PARP16: variants seen among roughly 807,000 people sequenced by gnomAD.
PARP16 encodes the protein poly(ADP-ribose) polymerase family member 16.
PARP16 carries 31 observed loss-of-function variants against 35.0 expected under a neutral mutation model. The ratio of observed to expected loss-of-function variants is 0.88; its 90% CI spans 0.66 to 1.19. The LOEUF (loss-of-function observed/expected upper bound fraction) is 1.19. PARP16 is among the 50% of genes most tolerant of loss of function. The probability of loss-of-function intolerance (pLI) is 0.00; values close to 1 mark genes in which losing one functional copy is unlikely to be tolerated. For missense variants in PARP16, 424 were observed against 411.2 expected (o/e 1.03, Z -0.27); for synonymous variants, 162 against 169.5 (o/e 0.96, Z 0.34).
intron 2 of PARP16, among the ~76,000 whole-genome samples, chr15:65,249,913 C>T (rs2089308583): frequency 6.6e-6 from 1 of 152,112 alleles, no homozygotes; most frequent in Admixed American, 6.6e-5. Flanking sequence ...TGGGGGACTT[C>T]CCATGGTTTC....
chr15:65,239,974 T>TTTTTTTTTTTTTTTTTTA (rs71136329), intron 3 of PARP16, among the ~76,000 whole-genome samples: 1 of 142,348 alleles, frequency 7.0e-6, no homozygotes, highest in Non-Finnish European at 1.5e-5. Flanking sequence ...TTTTTTTTTT[T>TTTTTTTTTTTTTTTTTTA]AAATACAGGG....
At chr15:65,285,426 A>C (rs986740673) in intron 1 of PARP16, 1 of 257,652 alleles carries the variant, frequency 3.9e-6, no homozygotes, top group African/African-American at 2.3e-5. Flanking sequence ...AGCATGAGCC[A>C]CCGAGCCTGG....
intron 5 of PARP16, 78 bp downstream of exon 5, chr15:65,260,807 G>T: frequency 7.5e-7 from 1 of 1,331,106 alleles, no homozygotes; most frequent in Admixed American, 1.7e-5. Flanking sequence ...AAGGCTGGGG[G>T]AGGGGAGGCT....
chr15:65,241,217 T>A (rs748176892), intron 3 of PARP16, among the ~76,000 whole-genome samples: 1 of 151,726 alleles, frequency 6.6e-6, no homozygotes, highest in Admixed American at 6.6e-5. Context: ...CTCAGCTCAC[T>A]GCAACCTCTG....
intron 2 of PARP16, among the ~76,000 whole-genome samples, chr15:65,267,779 C>A (rs2089954928): frequency 7.2e-6 from 1 of 139,298 alleles, no homozygotes; most frequent in East Asian, 2.3e-4. Flanking sequence ...CTCTGCCCCT[C>A]CAGGTTTTTT....
chr15:65,261,363 G>A (rs929938890), intron 4 of PARP16, among the ~76,000 whole-genome samples: 8 of 149,278 alleles, frequency 5.4e-5, no homozygotes, highest in African/African-American at 2.0e-4. Context: ...ATCTGAAAAC[G>A]CCTCTTAACA....
At chr15:65,235,671 T>A (rs558961434) in intron 3 of PARP16, among the ~76,000 whole-genome samples, 1 of 147,886 alleles carries the variant, frequency 6.8e-6, no homozygotes, top group Non-Finnish European at 1.5e-5. Context: ...TAGCCGGGCA[T>A]GGTGGTACAT....
downstream of PARP16, among the ~76,000 whole-genome samples, chr15:65,254,238 A>C (rs2089441940): frequency 6.6e-6 from 1 of 152,194 alleles, no homozygotes; most frequent in African/African-American, 2.4e-5. Context: ...GAACGCTGGA[A>C]ATTTTTGAAA....
intron 2 of PARP16, among the ~76,000 whole-genome samples, chr15:65,270,129 T>C (rs932080477): frequency 1.3e-5 from 2 of 152,214 alleles, no homozygotes; most frequent in African/African-American, 2.4e-5. Context: ...AATTGATTAC[T>C]CTTAAATTGA....
At chr15:65,256,818 CT>C (rs2089526768), downstream of PARP16, among the ~76,000 whole-genome samples, 1 of 152,200 alleles carries the variant, frequency 6.6e-6, no homozygotes, top group African/African-American at 2.4e-5. Flanking sequence ...TCTCCAAGAA[CT>C]TCAGGTCTTT....
chr15:65,247,924 C>T (rs1168070173), intron 3 of PARP16, among the ~76,000 whole-genome samples: 2 of 151,710 alleles, frequency 1.3e-5, no homozygotes, highest in African/African-American at 4.8e-5. Context: ...CCTGTCTCAG[C>T]CTCCTGAGTA....
chr15:65,253,794 T>C (rs916543264), downstream of PARP16, among the ~76,000 whole-genome samples: 2 of 152,150 alleles, frequency 1.3e-5, no homozygotes, highest in African/African-American at 4.8e-5. Context: ...CTCAAGGAGC[T>C]TGCAGTTGAA....
chr15:65,255,743 G>GAAAAAAAAAAAAAAA (rs56665485), downstream of PARP16, among the ~76,000 whole-genome samples: 1 of 57,150 alleles, frequency 1.7e-5, no homozygotes, highest in Non-Finnish European at 3.1e-5. Flanking sequence ...AGAAAACTCA[G>GAAAAAAAAAAAAAAA]AAAAAAAAAA....
chr15:65,239,955 C>CTTTTTTTTTTTTTTTTTTTTTGTTTTTT (rs367808430), intron 3 of PARP16, among the ~76,000 whole-genome samples: 1 of 81,750 alleles, frequency 1.2e-5, no homozygotes, highest in Non-Finnish European at 2.1e-5. Flanking sequence ...CGCGTCTGAC[C>CTTTTTTTTTTTTTTTTTTTTTGTTTTTT]TTTTTTTTTT....
At chr15:65,252,623 G>C (rs116662428) in intron 2 of PARP16, among the ~76,000 whole-genome samples, 43 of 152,292 alleles carry the variant, frequency 2.8e-4, no homozygotes, top group African/African-American at 1.0e-3. Flanking sequence ...AATGGGGTTA[G>C]AGCAAAGTTT....
downstream of PARP16, among the ~76,000 whole-genome samples, chr15:65,255,743 G>GAA (rs56665485): frequency 2.3e-4 from 13 of 57,140 alleles, no homozygotes; most frequent in African/African-American, 5.1e-4. Flanking sequence ...AGAAAACTCA[G>GAA]AAAAAAAAAA....
chr15:65,260,788 C>A, intron 5 of PARP16, 97 bp downstream of exon 5: 1 of 1,045,524 alleles, frequency 9.6e-7, no homozygotes, highest in South Asian at 1.4e-5. Flanking sequence ...TGACATCTAG[C>A]GGAGGTCTAA....
intron 1 of PARP16, among the ~76,000 whole-genome samples, chr15:65,281,261 T>A (rs969301681): frequency 6.6e-6 from 1 of 152,200 alleles, no homozygotes; most frequent in South Asian, 2.1e-4. Flanking sequence ...GGTTCTCTCA[T>A]CCAACCCTGG....
At chr15:65,242,470 C>G (rs935529413) in intron 3 of PARP16, among the ~76,000 whole-genome samples, 7 of 151,774 alleles carry the variant, frequency 4.6e-5, no homozygotes, top group Admixed American at 3.9e-4. Flanking sequence ...AAATTGTAAT[C>G]TTGAAAACAT....
Sources: gnomAD v4.1 joint callset for allele counts (sites outside exome capture counted in the v4.1 genomes callset) on GRCh38, gnomAD v4.1.1 for gene constraint, MANE v1.5 for transcripts, NCBI Gene and HGNC (gene_info 2026-07-23, HGNC 2026-07-21) for gene names.